The following LHPP variants were observed in gnomAD, a reference collection of about 807,000 sequenced individuals.
The protein encoded by LHPP is hLHPP.
Under a neutral mutation model 30.3 loss-of-function variants are expected in LHPP, and 24 were observed. The observed-to-expected ratio is 0.79, with a 90% confidence interval of 0.57 to 1.11. The LOEUF (loss-of-function observed/expected upper bound fraction) is 1.11. Among genes scored for constraint, LHPP ranks in the 50% most tolerant of loss-of-function variants. The pLI is 0.00. For synonymous variants in LHPP, 150 were observed against 157.1 expected, an observed-to-expected ratio of 0.95 and a Z score of 0.34; for missense variants, 356 against 367.2, an observed-to-expected ratio of 0.97 and a Z score of 0.25.
At chr10:124,544,982 A>G (rs529348188) in intron 6 of LHPP, among the ~76,000 whole-genome samples, 1 of 152,210 alleles carries the variant, frequency 6.6e-6, no homozygotes, top group Admixed American at 6.5e-5. Context: ...GGTGGCTCCC[A>G]GTGGGTGTCT....
intron 1 of LHPP, among the ~76,000 whole-genome samples, chr10:124,467,079 G>A (rs2133809679): frequency 6.6e-6 from 1 of 151,850 alleles, no homozygotes; most frequent in Non-Finnish European, 1.5e-5. Flanking sequence ...AGCTATGAAT[G>A]TGCTACTGCA....
rs574433442 is a variant in LHPP at position 124,596,441 on chromosome 10, A to G, written c.717-16823A>G. Among the ~76,000 whole-genome samples the G allele has an allele frequency of 2.0e-5, 3 of 152,256 alleles. No homozygotes were observed. The highest frequency in any genetic ancestry group is 3.9e-4 in the East Asian group (2 of 5,166). On this transcript the variant is annotated intron_variant, in intron 6 of 6. Coordinates refer to ENST00000368842, the MANE Select transcript of LHPP (RefSeq NM_022126.4). The surrounding 1 kb of genome is among the most constrained non-coding windows in gnomAD (Gnocchi z 4.6). Reference sequence around the variant, plus strand: ...GTGGCCGGACCTCTCCACGCTGGCCATTCAGGTGGACGTGGAGCGGTGTCA... The same window carrying G: ...GTGGCCGGACCTCTCCACGCTGGCCGTTCAGGTGGACGTGGAGCGGTGTCA...
chr10:124,505,420 A>G (rs1443540606), intron 5 of LHPP, among the ~76,000 whole-genome samples: 1 of 152,150 alleles, frequency 6.6e-6, no homozygotes, highest in Non-Finnish European at 1.5e-5. Context: ...TCCCTTGATC[A>G]CTGCTGCTTC....
chr10:124,471,474 A>T (rs868335268), intron 1 of LHPP, among the ~76,000 whole-genome samples: 6 of 38,186 alleles, frequency 1.6e-4, no homozygotes, highest in African/African-American at 5.9e-4. Flanking sequence ...TTTATATATT[A>T]TATATATTTA....
At chr10:124,486,082 G>A (rs1953316337) in intron 2 of LHPP, among the ~76,000 whole-genome samples, 1 of 152,172 alleles carries the variant, frequency 6.6e-6, no homozygotes, top group Non-Finnish European at 1.5e-5. Context: ...TTGGAGTTTG[G>A]TATTTGTTTA....
intron 2 of LHPP, 88 bp downstream of exon 2, chr10:124,484,414 C>T (rs959047962): frequency 8.6e-6 from 11 of 1,281,430 alleles, no homozygotes; most frequent in South Asian, 1.3e-5. Context: ...TTTCACTGGG[C>T]CAAACCACTG....
chr10:124,470,183 AGGCCGGCCTCGG>A (rs1952685404), intron 1 of LHPP, among the ~76,000 whole-genome samples: 1 of 152,096 alleles, frequency 6.6e-6, no homozygotes, highest in East Asian at 1.9e-4. Context: ...AGGGGTGCAG[AGGCCGGCCTCGG>A]GGCCCTGGGC....
At chr10:124,488,930 T>A (rs993951754) in intron 3 of LHPP, among the ~76,000 whole-genome samples, 1 of 152,078 alleles carries the variant, frequency 6.6e-6, no homozygotes, top group Non-Finnish European at 1.5e-5. Context: ...TTGCATAGGA[T>A]GTAGCAGGGT....
intron 2 of LHPP, among the ~76,000 whole-genome samples, chr10:124,485,606 T>G (rs1210666249): frequency 2.0e-5 from 3 of 151,538 alleles, no homozygotes; most frequent in African/African-American, 7.3e-5. Flanking sequence ...TAGTTTTGGT[T>G]TTTTTTTTGG....
intron 1 of LHPP, among the ~76,000 whole-genome samples, chr10:124,481,987 G>A (rs1049680559): frequency 6.6e-6 from 1 of 152,350 alleles, no homozygotes; most frequent in Middle Eastern, 3.4e-3. Flanking sequence ...TCCACTGTGT[G>A]TAGATATCAG....
intron 6 of LHPP, chr10:124,612,872 G>A: frequency 4.5e-6 from 1 of 221,920 alleles, no homozygotes; most frequent in Non-Finnish European, 9.0e-6. Context: ...CTCCCACGGG[G>A]CACTAGGCCA....
At chr10:124,488,011 C>T (rs1953392357) in intron 2 of LHPP, among the ~76,000 whole-genome samples, 1 of 152,200 alleles carries the variant, frequency 6.6e-6, no homozygotes. Flanking sequence ...ACGGTTCTTA[C>T]AGTTTGGGAC....
intron 6 of LHPP, among the ~76,000 whole-genome samples, chr10:124,580,111 TG>T (rs200545598): frequency 0.13 from 20,209 of 152,224 alleles, 1,787 homozygotes; most frequent in Non-Finnish European, 0.2. Flanking sequence ...AGCTTCACTG[TG>T]GAATGCTTGT....
intron 6 of LHPP, among the ~76,000 whole-genome samples, chr10:124,581,690 T>C (rs1005685862): frequency 6.6e-6 from 1 of 152,226 alleles, no homozygotes; most frequent in Non-Finnish European, 1.5e-5. Context: ...CTTGTACTTA[T>C]TGGCCACCTG....
At position 124,563,420 on chromosome 10, in the gene LHPP, G is replaced by T. The variant is rs139965540; in HGVS notation, c.716+46149G>T. On this transcript the variant is annotated intron_variant, in intron 6 of 6. Coordinates refer to ENST00000368842, the MANE Select transcript of LHPP (RefSeq NM_022126.4). ...CCAGTGAAAAAAGCCTATCCCAAAA[G>T]GTTATGTACTTTCTGATTCCATGTA... is the stretch of plus-strand genomic sequence containing the variant. Among the ~76,000 whole-genome samples, 5 of 150,180 alleles carry T rather than the reference G, an allele frequency of 3.3e-5. No individual in the cohort carries two copies. The East Asian group carries it at 9.8e-4, about 29-fold the overall frequency.
intron 6 of LHPP, among the ~76,000 whole-genome samples, chr10:124,545,289 CG>C: frequency 6.6e-6 from 1 of 152,324 alleles, no homozygotes; most frequent in East Asian, 1.9e-4. Context: ...TAGTATTGTG[CG>C]AACCTCCCAG....
At chr10:124,497,891 G>A (rs534242670) in intron 4 of LHPP, 145 bp from the exon 5 acceptor site, 198 of 671,386 alleles carry the variant, frequency 2.9e-4, no homozygotes, top group Non-Finnish European at 4.4e-4. Context: ...GCTCCTGCCT[G>A]TGAGATGAGT....
At chr10:124,591,840 C>CTTA (rs72511686) in intron 6 of LHPP, among the ~76,000 whole-genome samples, 1 of 145,798 alleles carries the variant, frequency 6.9e-6, no homozygotes, top group Non-Finnish European at 1.5e-5. Flanking sequence ...ACATTCTCAT[C>CTTA]TCTCTGATCT....
At chr10:124,479,462 A>G (rs1953058668) in intron 1 of LHPP, among the ~76,000 whole-genome samples, 1 of 152,238 alleles carries the variant, frequency 6.6e-6, no homozygotes, top group African/African-American at 2.4e-5. Flanking sequence ...TAGCTGTCCT[A>G]GTCGGCCTGG....
Sources: allele counts gnomAD v4.1 joint callset (sites outside exome capture counted in the v4.1 genomes callset), GRCh38; gene constraint gnomAD v4.1.1; non-coding constraint Gnocchi (gnomAD v3.1); transcripts MANE v1.5; gene names NCBI Gene and HGNC (gene_info 2026-07-23, HGNC 2026-07-21).